NOSTRIN: variants seen among roughly 807,000 people sequenced by gnomAD.
NOSTRIN encodes the protein BM247 homolog.
A neutral mutation model predicts 59.0 loss-of-function variants in NOSTRIN; 63 were observed. The observed-to-expected ratio is 1.07, with a 90% CI of 0.87 to 1.32. NOSTRIN has a LOEUF of 1.32. Ranked by LOEUF, NOSTRIN falls within the 40% of genes most tolerant of loss-of-function variation. The probability of loss-of-function intolerance (pLI) is 0.00; values close to 1 mark genes in which losing one functional copy is unlikely to be tolerated. For synonymous variants in NOSTRIN, 200 were observed against 165.4 expected (o/e 1.21, Z -1.61); for missense variants, 512 against 473.1 (o/e 1.08, Z -0.76).
chr2:168,860,679 AAAG>A (rs1429019664), intron 13 of NOSTRIN, 113 bp from the exon 14 acceptor site: 2 of 700,514 alleles, frequency 2.9e-6, no homozygotes, highest in Non-Finnish European at 4.7e-6. Context: ...TAAAAAAAAA[AAAG>A]AAAAAACAAA....
intron 1 of NOSTRIN, among the ~76,000 whole-genome samples, chr2:168,809,730 A>G (rs991313783): frequency 1.0e-4 from 15 of 147,948 alleles, no homozygotes; most frequent in African/African-American, 3.7e-4. Context: ...ATATTATTAT[A>G]TTATTTTATT....
Position 168,824,623 on chromosome 2 carries a change from T to C in NOSTRIN, c.114-11T>C, listed in dbSNP as rs971806152. 10 of 871,210 alleles carry C rather than the reference T, an allele frequency of 1.1e-5. No individual in the cohort carries two copies. The East Asian group carries it at 2.2e-4, about 19-fold the overall frequency. 54.0% of individuals were successfully genotyped at this position (871,210 alleles called of 1,614,324 possible). Reference sequence around the variant, plus strand: ...CCAGTACATCCTATTTAACTAGTCCTTTTCTAACAGGGCAAACCTGGAAAT... The same window carrying C: ...CCAGTACATCCTATTTAACTAGTCCCTTTCTAACAGGGCAAACCTGGAAAT... On this transcript the variant is annotated splice_polypyrimidine_tract_variant and intron_variant, in intron 2 of 15. Transcript: ENST00000317647.
chr2:168,844,763 G>C (rs551506207), intron 8 of NOSTRIN, among the ~76,000 whole-genome samples: 1 of 152,018 alleles, frequency 6.6e-6, no homozygotes, highest in African/African-American at 2.4e-5. Flanking sequence ...CCAGCTACTC[G>C]GGAGGCTGAG....
In NOSTRIN at chr2:168,824,517, T is replaced by C. The variant is rs1686943184; in HGVS notation, c.114-117T>C. ...TTTCACCATGTTGGCCAGGCTGGTCTTGAACTCCTGGCCTCAAGTGATCTG... is the reference window on the plus strand; with the variant it reads ...TTTCACCATGTTGGCCAGGCTGGTCCTGAACTCCTGGCCTCAAGTGATCTG... On this transcript the variant is annotated intron_variant, in intron 2 of 15. Coordinates refer to ENST00000317647, the MANE Select transcript of NOSTRIN (RefSeq NM_001039724.4). The C allele has an allele frequency of 1.7e-5, 11 of 629,114 alleles. No homozygotes were observed. The South Asian group carries it at 1.9e-4, about 11-fold the overall frequency. 39.0% of individuals were successfully genotyped at this position (629,114 alleles called of 1,614,324 possible). A position where few individuals can be genotyped will look rare whatever the true frequency, so the allele number is the denominator to read the frequency against.
intron 10 of NOSTRIN, 57 bp from the exon 11 acceptor site, chr2:168,855,295 G>T: frequency 1.2e-6 from 1 of 859,078 alleles, no homozygotes; most frequent in East Asian, 2.6e-5. Context: ...AGAATGGACA[G>T]GGAATAGCAA....
At chr2:168,819,364 C>A (rs1178805047) in intron 2 of NOSTRIN, among the ~76,000 whole-genome samples, 5 of 152,174 alleles carry the variant, frequency 3.3e-5, no homozygotes, top group Non-Finnish European at 5.9e-5. Context: ...ATGGAAGAGC[C>A]GTGGAAGTGT....
At chr2:168,835,576 G>C (rs1327358427) in intron 7 of NOSTRIN, among the ~76,000 whole-genome samples, 1 of 152,144 alleles carries the variant, frequency 6.6e-6, no homozygotes, top group East Asian at 1.9e-4. Flanking sequence ...AATCCTCTAA[G>C]ATATTTGTGC....
chr2:168,833,788 G>A (rs900465447), intron 6 of NOSTRIN, among the ~76,000 whole-genome samples: 1 of 144,424 alleles, frequency 6.9e-6, no homozygotes, highest in Non-Finnish European at 1.5e-5. Flanking sequence ...CTTGCTGCAC[G>A]TTTTAAGAGA....
chr2:168,843,018 T>G lies in NOSTRIN; in HGVS notation c.531T>G (p.Thr177=), dbSNP rs758843975. ...TCCTCAATAAACTGACAAAATCAAC[T>G]GAAAAGTTGGAAAAGGAAGATGAAA... ...RKLLNKLTKS[T]EKLEKEDENY... Residue 177 remains threonine, a synonymous_variant, in exon 8 of 16, where the codon ACT becomes ACG. Transcript: ENST00000317647. The G allele has an allele frequency of 6.9e-6, 6 of 872,490 alleles. No individual in the cohort carries two copies. The East Asian group carries it at 1.2e-4, about 17-fold the overall frequency. 54.0% of individuals were successfully genotyped at this position (872,490 alleles called of 1,614,324 possible).
intron 7 of NOSTRIN, among the ~76,000 whole-genome samples, chr2:168,835,076 T>C (rs1258956377): frequency 1.3e-5 from 2 of 151,984 alleles, no homozygotes; most frequent in African/African-American, 4.8e-5. Flanking sequence ...GTCTTCTTGA[T>C]AATTTTTTTT....
At chr2:168,831,054 G>C (rs901603002) in intron 5 of NOSTRIN, among the ~76,000 whole-genome samples, 2 of 152,176 alleles carry the variant, frequency 1.3e-5, no homozygotes, top group Admixed American at 6.5e-5. Context: ...AGCTAGTACT[G>C]TGACTGTCTT....
rs59235003 is a variant in NOSTRIN, at chr2:168,840,529, C to CA, written c.505-2441dup. Among the ~76,000 whole-genome samples the CA allele has an allele frequency of 7.4e-3, 736 of 99,238 alleles. 20 individuals carry two copies. The highest frequency in any genetic ancestry group is 0.017 in the African/African-American group (477 of 27,802). The allele number at this position is 99,238 out of a possible 152,430, so 65.1% of individuals were successfully genotyped here. A position where few individuals can be genotyped will look rare whatever the true frequency, so the allele number is the denominator to read the frequency against. On this transcript the variant is annotated intron_variant, in intron 7 of 15. Coordinates refer to ENST00000317647, the MANE Select transcript of NOSTRIN (RefSeq NM_001039724.4). ...TGGGGGACAGGGCGAGACTCCATCT[C>CA]AAAAAAAAAAAAAAAAAAAAAACAA...
At chr2:168,851,255 A>T (rs1235828785) in intron 9 of NOSTRIN, 24 bp from the exon 10 acceptor site, 1 of 1,614,040 alleles carries the variant, frequency 6.2e-7, no homozygotes, top group East Asian at 2.2e-5. Context: ...CGACAACCTT[A>T]TTCTGTTCCC....
upstream of NOSTRIN, among the ~76,000 whole-genome samples, chr2:168,797,089 T>C (rs1289500732): frequency 2.3e-5 from 3 of 131,046 alleles, no homozygotes; most frequent in East Asian, 2.2e-4. Flanking sequence ...CTTTTTTTTT[T>C]TTTTTTTTTT....
At chr2:168,805,695 T>C (rs999853514) in intron 1 of NOSTRIN, among the ~76,000 whole-genome samples, 5 of 152,100 alleles carry the variant, frequency 3.3e-5, no homozygotes, top group Non-Finnish European at 5.9e-5. Context: ...TCATCGGCCA[T>C]TGAAATGGCA....
chr2:168,842,118 T>C (rs1344123388), intron 7 of NOSTRIN, among the ~76,000 whole-genome samples: 1 of 152,202 alleles, frequency 6.6e-6, no homozygotes, highest in Non-Finnish European at 1.5e-5. Context: ...AAAGTGAGAC[T>C]AATATTTTTA....
chr2:168,796,247 T>G (rs929060476), upstream of NOSTRIN, among the ~76,000 whole-genome samples: 4 of 152,218 alleles, frequency 2.6e-5, no homozygotes, highest in Admixed American at 2.0e-4. Flanking sequence ...CGTCCAGGAC[T>G]CAGAACCGGG....
rs76036428 is a variant in NOSTRIN, at chr2:168,839,184, G to T, written c.505-3808G>T. On this transcript the variant is annotated intron_variant, in intron 7 of 15. Transcript: ENST00000317647. ...CCCCATTCTCCGTCGTAAGCTGTGT[G>T]ATCCAACTTCACCAAAAAATATCTT... Among the ~76,000 whole-genome samples the T allele has an allele frequency of 5.0e-3, 759 of 152,228 alleles. 7 individuals carry two copies. The highest frequency in any genetic ancestry group is 0.024 in the Middle Eastern group (7 of 294).
At chr2:168,821,973 A>G (rs1365929775) in intron 2 of NOSTRIN, among the ~76,000 whole-genome samples, 1 of 152,186 alleles carries the variant, frequency 6.6e-6, no homozygotes, top group Non-Finnish European at 1.5e-5. Flanking sequence ...ACCCTCTTTA[A>G]GTAGGTCATG....
Sources: allele counts gnomAD v4.1 joint callset (sites outside exome capture counted in the v4.1 genomes callset), GRCh38; gene constraint gnomAD v4.1.1; transcripts MANE v1.5; gene names NCBI Gene and HGNC (gene_info 2026-07-23, HGNC 2026-07-21).